VRK2: variants seen among roughly 807,000 people sequenced by gnomAD.
The protein encoded by VRK2 is VRK serine/threonine kinase 2, also known as serine/threonine-protein kinase VRK2.
VRK2 carries 60 observed loss-of-function variants against 57.6 expected under a neutral mutation model. The observed-to-expected ratio is 1.04, with a 90% CI of 0.85 to 1.29. The LOEUF is 1.29. Among genes scored for constraint, VRK2 ranks in the 50% most tolerant of loss-of-function variants. The probability of loss-of-function intolerance (pLI) is 0.00; values close to 1 mark genes in which losing one functional copy is unlikely to be tolerated. For synonymous variants in VRK2, 231 were observed against 199.2 expected, an observed-to-expected ratio of 1.16 and a Z score of -1.35; for missense variants, 705 against 588.1, an observed-to-expected ratio of 1.20 and a Z score of -2.06.
rs150742509 is a variant in VRK2, at chr2:58,015,314, A to T, written c.-438-10351A>T. Among the ~76,000 whole-genome samples the T allele has an allele frequency of 3.3e-3, 508 of 152,292 alleles. 5 individuals are homozygous for T. Among genetic ancestry groups the T allele is most frequent in the Admixed American group, 0.024 (374 of 15,292 alleles). On this transcript the variant is annotated intron_variant, in intron 1 of 15. Transcript: ENST00000417641. ...TAAATTCAACTAATTATTAATTAAC[A>T]TTGTTAATATGATGCAGTATAATGT...
At chr2:58,134,749 C>T (rs1301304711) in intron 9 of VRK2, among the ~76,000 whole-genome samples, 1 of 152,106 alleles carries the variant, frequency 6.6e-6, no homozygotes, top group East Asian at 1.9e-4. Flanking sequence ...CAAACCTAAG[C>T]ATAAAGATAG....
chr2:58,148,028 C>A (rs1251252745), intron 12 of VRK2, among the ~76,000 whole-genome samples: 1 of 151,746 alleles, frequency 6.6e-6, no homozygotes, highest in Non-Finnish European at 1.5e-5. Context: ...ACAAATCCTT[C>A]AATGGACATG....
chr2:57,920,833 G>C (rs369400137), intron 1 of VRK2, among the ~76,000 whole-genome samples: 3 of 152,108 alleles, frequency 2.0e-5, no homozygotes, highest in Non-Finnish European at 2.9e-5. Flanking sequence ...GCTGGGTGTA[G>C]GTGGCTGCCT....
chr2:58,056,708 A>G (rs1349905935), intron 2 of VRK2, among the ~76,000 whole-genome samples: 2 of 152,156 alleles, frequency 1.3e-5, no homozygotes, highest in East Asian at 3.9e-4. Context: ...GTACACTGGT[A>G]GTCATTGCAG....
intron 1 of VRK2, among the ~76,000 whole-genome samples, chr2:58,005,718 A>T (rs1322790166): frequency 6.6e-6 from 1 of 152,168 alleles, no homozygotes; most frequent in African/African-American, 2.4e-5. Context: ...TCACTTTGGT[A>T]GGGTGTCTAC....
In VRK2 at chr2:58,133,908, T is replaced by C. The variant is rs564481075; in HGVS notation, c.798-1233T>C. 2.8e-4 allele frequency among the ~76,000 whole-genome samples: 43 copies of C among 152,342 alleles called. No homozygotes were observed. In the East Asian group the frequency reaches 6.4e-3, roughly 23 times the overall value. On this transcript the variant is annotated intron_variant, in intron 9 of 12. Transcript: ENST00000340157. ...GAAAAAAAATCATGGTAAATATTACTACTTCTGTGTTTCTGCATACATAAA... is the reference window on the plus strand; with the variant it reads ...GAAAAAAAATCATGGTAAATATTACCACTTCTGTGTTTCTGCATACATAAA...
intron 2 of VRK2, among the ~76,000 whole-genome samples, chr2:58,028,897 TAA>T (rs1491507253): frequency 1.1e-3 from 64 of 57,026 alleles, no homozygotes; most frequent in African/African-American, 4.5e-3. Flanking sequence ...AATAAATAAA[TAA>T]ATAAATATAT....
chr2:57,934,628 A>AT (rs1455735802), intron 1 of VRK2, among the ~76,000 whole-genome samples: 5 of 152,242 alleles, frequency 3.3e-5, no homozygotes, highest in African/African-American at 1.2e-4. Context: ...GATTTGGGAC[A>AT]TTTTCAGCCA....
chr2:57,933,278 C>G (rs1330537584), intron 1 of VRK2, among the ~76,000 whole-genome samples: 2 of 133,040 alleles, frequency 1.5e-5, no homozygotes, highest in Admixed American at 1.5e-4. Flanking sequence ...TCATCAATTA[C>G]TGTATTGCTA....
intron 1 of VRK2, among the ~76,000 whole-genome samples, chr2:57,992,888 G>C (rs906004966): frequency 3.3e-5 from 5 of 152,184 alleles, no homozygotes; most frequent in Non-Finnish European, 7.3e-5. Flanking sequence ...TGGAATAATA[G>C]TGTAGTAGTT....
At chr2:57,982,490 TG>T (rs1034198170) in intron 1 of VRK2, among the ~76,000 whole-genome samples, 5 of 151,766 alleles carry the variant, frequency 3.3e-5, no homozygotes, top group Non-Finnish European at 7.4e-5. Context: ...TGCTTGCCAG[TG>T]GGGGAAGGCT....
chr2:57,922,033 T>C (rs930080708), intron 1 of VRK2, among the ~76,000 whole-genome samples: 7 of 152,036 alleles, frequency 4.6e-5, no homozygotes, highest in African/African-American at 7.2e-5. Context: ...TAAAATCTTG[T>C]TTTCAATACC....
intron 2 of VRK2, among the ~76,000 whole-genome samples, chr2:58,078,959 C>CACT (rs1223172103): frequency 2.0e-5 from 3 of 152,140 alleles, no homozygotes; most frequent in African/African-American, 7.2e-5. Context: ...AGGCATGAGC[C>CACT]ACTGCACTGA....
intron 2 of VRK2, among the ~76,000 whole-genome samples, chr2:58,032,369 A>G (rs1365276157): frequency 6.6e-6 from 1 of 152,096 alleles, no homozygotes; most frequent in Admixed American, 6.5e-5. Flanking sequence ...AAGACACTGG[A>G]AGATTCATTG....
At chr2:57,960,194 T>C (rs747964622) in intron 1 of VRK2, among the ~76,000 whole-genome samples, 178 of 152,248 alleles carry the variant, frequency 1.2e-3, no homozygotes, top group Admixed American at 2.7e-3. Flanking sequence ...GTCTCTAATA[T>C]CATACAACCA....
intron 1 of VRK2, among the ~76,000 whole-genome samples, chr2:57,996,377 A>G (rs188321917): frequency 2.0e-5 from 3 of 152,358 alleles, no homozygotes; most frequent in African/African-American, 7.2e-5. Context: ...GTTAACGCCC[A>G]AGGAATAAGC....
intron 1 of VRK2, among the ~76,000 whole-genome samples, chr2:57,933,381 C>T (rs1670802383): frequency 1.6e-5 from 2 of 124,778 alleles, no homozygotes; most frequent in Non-Finnish European, 3.1e-5. Context: ...GGTGCAATCT[C>T]GGCTCACCAC....
intron 3 of VRK2, among the ~76,000 whole-genome samples, chr2:58,036,718 G>GT (rs1674285997): frequency 1.3e-5 from 2 of 152,082 alleles, no homozygotes; most frequent in South Asian, 4.1e-4. Flanking sequence ...ATTCTGTGTG[G>GT]TTATCACACA....
intron 2 of VRK2, among the ~76,000 whole-genome samples, chr2:58,050,021 C>T (rs1675469601): frequency 6.6e-6 from 1 of 151,986 alleles, no homozygotes; most frequent in Non-Finnish European, 1.5e-5. Context: ...AGGGTTTGAA[C>T]TTGCTTGAAA....
Sources: allele counts gnomAD v4.1 joint callset (sites outside exome capture counted in the v4.1 genomes callset), GRCh38; gene constraint gnomAD v4.1.1; transcripts MANE v1.5; gene names NCBI Gene and HGNC (gene_info 2026-07-23, HGNC 2026-07-21).